ZNF365: variants seen among roughly 807,000 people sequenced by gnomAD.
ZNF365 encodes protein ZNF365.
ZNF365 carries 22 observed loss-of-function variants against 35.0 expected under a neutral mutation model. That is an observed-to-expected ratio of 0.63 (90% confidence interval 0.45 to 0.90). The LOEUF (loss-of-function observed/expected upper bound fraction) is 0.90, where lower values mean the gene tolerates loss of function less well. Ranked by LOEUF, ZNF365 falls within the 40% of genes least tolerant of loss-of-function variation. The probability of loss-of-function intolerance (pLI) is 0.00; values close to 1 mark genes in which losing one functional copy is unlikely to be tolerated. For synonymous variants in ZNF365, 188 were observed against 196.2 expected (o/e 0.96, Z 0.35); for missense variants, 448 against 500.3 (o/e 0.90, Z 1.00).
chr10:62,460,411 A>G (rs559724132), intron 4 of ZNF365, among the ~76,000 whole-genome samples: 7 of 152,352 alleles, frequency 4.6e-5, no homozygotes, highest in South Asian at 4.1e-4. Context: ...TAGTTTATAA[A>G]TTAGGCACAG....
intron 3 of ZNF365, among the ~76,000 whole-genome samples, chr10:62,396,163 T>C (rs569982952): frequency 2.0e-3 from 300 of 152,352 alleles, no homozygotes; most frequent in African/African-American, 6.8e-3. Context: ...TCATCATTTA[T>C]AGGATCTTTG....
intron 3 of ZNF365, among the ~76,000 whole-genome samples, chr10:62,427,351 C>A (rs1362226215): frequency 6.6e-6 from 1 of 152,088 alleles, no homozygotes; most frequent in Non-Finnish European, 1.5e-5. Context: ...CTACGGTATC[C>A]AGTATAGTAA....
Position 62,443,446 on chromosome 10 carries a change from T to G in ZNF365, c.925-16295T>G, listed in dbSNP as rs1000388923. Among the ~76,000 whole-genome samples, 5 of 152,162 alleles carry G rather than the reference T, an allele frequency of 3.3e-5. No individual in the cohort carries two copies. The South Asian group carries it at 1.0e-3, about 32-fold the overall frequency. On this transcript the variant is annotated intron_variant, in intron 3 of 4. Coordinates refer to the ZNF365 transcript ENST00000395255. ...CCTTCCTTCTCGGGTTCCTCTGCCT[T>G]GTGTTTAGATGCTCTGGTTTTATTA...
At chr10:62,423,245 G>A (rs996501250) in intron 3 of ZNF365, among the ~76,000 whole-genome samples, 4 of 151,830 alleles carry the variant, frequency 2.6e-5, no homozygotes, top group Non-Finnish European at 5.9e-5. Flanking sequence ...TTCTAAAGGA[G>A]TTAGTATAGT....
chr10:62,418,603 C>T lies in ZNF365; in HGVS notation c.924+30027C>T, dbSNP rs561776655. On this transcript the variant is annotated intron_variant, in intron 3 of 4. Coordinates refer to the ZNF365 transcript ENST00000395255. ...CAATTAGATGTTTATAATAAATTTT[C>T]GTAATAAAAAAAATCAGGCTTCAAG... is the stretch of plus-strand genomic sequence containing the variant. 1.1e-4 allele frequency among the ~76,000 whole-genome samples: 10 copies of T among 92,738 alleles called. No homozygotes were observed. In the East Asian group the frequency reaches 5.6e-3, roughly 52 times the overall value. The allele number at this position is 92,738 out of a possible 152,430, so 60.8% of individuals were successfully genotyped here.
chr10:62,401,013 A>C lies in ZNF365; in HGVS notation c.*1224A>C. 2.0e-6 allele frequency: 2 copies of C among 985,558 alleles called. No individual in the cohort carries two copies. The highest frequency in any genetic ancestry group is 5.2e-4 in the Middle Eastern group (1 of 1,914). 61.1% of individuals were successfully genotyped at this position (985,558 alleles called of 1,614,324 possible). The stretch of plus-strand genomic sequence containing the variant: ...ATTTCCTGCTGTATGATTTTCCTCA[A>C]GAATGAATTTCCATGTTATTTTTTC... On this transcript the variant is annotated 3_prime_UTR_variant, in exon 5 of 5. Coordinates refer to ENST00000395254, the MANE Select transcript of ZNF365 (RefSeq NM_014951.3).
intron 2 of ZNF365, among the ~76,000 whole-genome samples, chr10:62,377,975 A>C (rs1174551618): frequency 6.6e-6 from 1 of 152,240 alleles, no homozygotes; most frequent in Non-Finnish European, 1.5e-5. Context: ...GACACTCCAT[A>C]GATTAAAGAG....
intron 3 of ZNF365, among the ~76,000 whole-genome samples, chr10:62,417,015 G>A (rs1039641053): frequency 1.3e-5 from 2 of 152,016 alleles, no homozygotes; most frequent in Non-Finnish European, 2.9e-5. Context: ...GTCTGATAGA[G>A]CTATTTTGTT....
At chr10:62,446,514 T>G (rs969856498) in intron 3 of ZNF365, among the ~76,000 whole-genome samples, 1 of 152,244 alleles carries the variant, frequency 6.6e-6, no homozygotes, top group African/African-American at 2.4e-5. Context: ...GCTGATGTTA[T>G]CATTATTGCT....
intron 3 of ZNF365, among the ~76,000 whole-genome samples, chr10:62,398,266 C>G (rs775436871): frequency 2.6e-5 from 4 of 152,144 alleles, no homozygotes; most frequent in Non-Finnish European, 5.9e-5. Flanking sequence ...ACTACTCAGC[C>G]ATAAAATGGA....
chr10:62,378,086 T>A (rs1421357763), intron 2 of ZNF365, among the ~76,000 whole-genome samples: 1 of 152,238 alleles, frequency 6.6e-6, no homozygotes, highest in Non-Finnish European at 1.5e-5. Context: ...GTAGTTAGGA[T>A]GGATTTGAAT....
intron 3 of ZNF365, among the ~76,000 whole-genome samples, chr10:62,448,322 CA>C (rs1840623706): frequency 6.6e-6 from 1 of 152,128 alleles, no homozygotes; most frequent in African/African-American, 2.4e-5. Flanking sequence ...GTCCCTTTCC[CA>C]CCAGGAATGT....
At chr10:62,438,528 A>G (rs1164751043) in intron 3 of ZNF365, among the ~76,000 whole-genome samples, 1 of 152,148 alleles carries the variant, frequency 6.6e-6, no homozygotes, top group African/African-American at 2.4e-5. Flanking sequence ...TACAAAAACC[A>G]GGTAAACAAA....
At chr10:62,396,453 T>C (rs1564572992) in intron 3 of ZNF365, among the ~76,000 whole-genome samples, 1 of 152,226 alleles carries the variant, frequency 6.6e-6, no homozygotes, top group African/African-American at 2.4e-5. Context: ...GGGTTAATTC[T>C]GCCTGTTCTG....
At chr10:62,480,075 T>C in exon 5 of ZNF365, 1 of 1,334,688 alleles carries the variant, frequency 7.5e-7, no homozygotes, top group Non-Finnish European at 9.9e-7. Flanking sequence ...GGGTTCAGAC[T>C]CCTGATGGAT....
intron 3 of ZNF365, among the ~76,000 whole-genome samples, chr10:62,435,778 A>G (rs1840397639): frequency 6.6e-6 from 1 of 152,196 alleles, no homozygotes; most frequent in Non-Finnish European, 1.5e-5. Context: ...TTCCATAACA[A>G]GAAAACAAAC....
At chr10:62,445,715 G>C (rs1380155502) in intron 3 of ZNF365, among the ~76,000 whole-genome samples, 1 of 152,150 alleles carries the variant, frequency 6.6e-6, no homozygotes, top group Non-Finnish European at 1.5e-5. Flanking sequence ...CTACTTTTGT[G>C]TATGTTTGAA....
intron 3 of ZNF365, among the ~76,000 whole-genome samples, chr10:62,437,554 G>A (rs1421405586): frequency 2.0e-5 from 3 of 152,216 alleles, no homozygotes; most frequent in Non-Finnish European, 2.9e-5. Context: ...CGAGTTTTTA[G>A]CAAGTTATTT....
intron 3 of ZNF365, among the ~76,000 whole-genome samples, chr10:62,427,697 A>C (rs1212646676): frequency 6.6e-6 from 1 of 151,996 alleles, no homozygotes; most frequent in Non-Finnish European, 1.5e-5. Flanking sequence ...ACCCTGGAGG[A>C]ATGTTGGCCT....
Sources: allele counts gnomAD v4.1 joint callset (sites outside exome capture counted in the v4.1 genomes callset), GRCh38; gene constraint gnomAD v4.1.1; transcripts MANE v1.5; gene names NCBI Gene and HGNC (gene_info 2026-07-23, HGNC 2026-07-21).